Variants in COL5A1 observed in about 807,000 individuals in gnomAD.
COL5A1 encodes the protein collagen alpha-1(V) chain.
A neutral mutation model predicts 263.7 loss-of-function variants in COL5A1; 16 were observed. The observed-to-expected ratio is 0.06, with a 90% confidence interval of 0.04 to 0.09. The LOEUF (loss-of-function observed/expected upper bound fraction) is 0.09. Ranked by LOEUF, COL5A1 falls within the 10% of genes least tolerant of loss-of-function variation. The pLI is 1.00. For missense variants in COL5A1, 2,036 were observed against 2,540.5 expected, an observed-to-expected ratio of 0.80 and a Z score of 4.27; for synonymous variants, 1,012 against 1,004.5, an observed-to-expected ratio of 1.01 and a Z score of -0.14.
chr9:134,775,941 T>C lies in COL5A1; in HGVS notation c.2385+1029T>C, dbSNP rs532183881. 1.1e-4 allele frequency among the ~76,000 whole-genome samples: 16 copies of C among 152,352 alleles called. No individual in the cohort carries two copies. The East Asian group carries it at 2.7e-3, about 26-fold the overall frequency. On this transcript the variant is annotated intron_variant, in intron 27 of 65. Transcript: ENST00000371817. ...GTCGTCTGCTCCGAATCAACCCTCC[T>C]GACTCTGGCTGGTCACCCCTCACCT...
At chr9:134,749,793 T>G (rs1169961116) in intron 11 of COL5A1, among the ~76,000 whole-genome samples, 2 of 152,250 alleles carry the variant, frequency 1.3e-5, no homozygotes, top group Non-Finnish European at 2.9e-5. Context: ...CAGCTGAGAA[T>G]CTGCTTGCTT....
chr9:134,730,718 A>AT (rs1471416852), intron 7 of COL5A1, among the ~76,000 whole-genome samples: 3 of 152,194 alleles, frequency 2.0e-5, no homozygotes, highest in African/African-American at 4.8e-5. Context: ...AATGTTGTCA[A>AT]TTTTTTGCCT....
chr9:134,809,741 C>A (rs901648223), intron 43 of COL5A1, among the ~76,000 whole-genome samples: 2 of 152,214 alleles, frequency 1.3e-5, no homozygotes, highest in East Asian at 1.9e-4. Context: ...GCTGCAGGAG[C>A]TTGCATTTTA....
At chr9:134,820,261 G>A (rs1318042571) in intron 58 of COL5A1, 38 bp downstream of exon 58, 1 of 1,554,368 alleles carries the variant, frequency 6.4e-7, no homozygotes, top group Non-Finnish European at 8.9e-7. Flanking sequence ...GGGCTGTCGA[G>A]AGGCATTTTA....
chr9:134,671,998 T>G (rs1832552952), intron 1 of COL5A1, among the ~76,000 whole-genome samples: 4 of 152,224 alleles, frequency 2.6e-5, no homozygotes, highest in Non-Finnish European at 4.4e-5. Flanking sequence ...GGGGCCCACT[T>G]CAAATGTCAC....
At chr9:134,823,743 A>G (rs993205232) in intron 61 of COL5A1, among the ~76,000 whole-genome samples, 1 of 152,148 alleles carries the variant, frequency 6.6e-6, no homozygotes, top group Non-Finnish European at 1.5e-5. Flanking sequence ...TGAATGTGTG[A>G]ACGTGTAGTA....
At chr9:134,689,696 C>A (rs1169894895) in intron 1 of COL5A1, among the ~76,000 whole-genome samples, 1 of 152,188 alleles carries the variant, frequency 6.6e-6, no homozygotes, top group Non-Finnish European at 1.5e-5. Flanking sequence ...GGTCTCACGT[C>A]CATCCCTGAG....
At position 134,817,114 on chromosome 9, in the gene COL5A1, A is replaced by C. The variant is rs10776910; in HGVS notation, c.4176+35A>C. Reference sequence around the variant, plus strand: ...CCTGCAGGCACATCCTTGCTGTCAAATCCCTGCATGAAACACCCCCGCCCC... The same window carrying C: ...CCTGCAGGCACATCCTTGCTGTCAACTCCCTGCATGAAACACCCCCGCCCC... On this transcript the variant is annotated intron_variant, in intron 53 of 65. Coordinates refer to ENST00000371817, the MANE Select transcript of COL5A1 (RefSeq NM_000093.5). The C allele has an allele frequency of 0.42, 669,596 of 1,593,238 alleles. 143,903 individuals carry two copies. Among genetic ancestry groups the C allele is most frequent in the African/African-American group, 0.63 (46,764 of 74,686 alleles).
chr9:134,820,909 A>G (rs1408263191), intron 58 of COL5A1, among the ~76,000 whole-genome samples: 18 of 152,070 alleles, frequency 1.2e-4, no homozygotes, highest in Non-Finnish European at 1.5e-5. Context: ...ACACACACGC[A>G]CAGTATGCTG....
chr9:134,738,051 C>T (rs1022541733), intron 9 of COL5A1, among the ~76,000 whole-genome samples: 2 of 152,174 alleles, frequency 1.3e-5, no homozygotes, highest in Admixed American at 6.5e-5. Context: ...CTATTTTTCC[C>T]TTATCCTTCC....
intron 60 of COL5A1, 138 bp downstream of exon 60, chr9:134,823,171 C>A: frequency 1.7e-6 from 2 of 1,156,388 alleles, no homozygotes; most frequent in Non-Finnish European, 2.6e-6. Context: ...TCTTTCTACA[C>A]TGACCCATGG....
intron 11 of COL5A1, 37 bp downstream of exon 11, chr9:134,738,845 G>C (rs750744269): frequency 6.4e-7 from 1 of 1,566,180 alleles, no homozygotes; most frequent in Non-Finnish European, 8.8e-7. Flanking sequence ...ATCACACAAG[G>C]TGTGGGGCTG....
intron 42 of COL5A1, among the ~76,000 whole-genome samples, chr9:134,806,623 G>A (rs958057194): frequency 6.6e-6 from 1 of 152,172 alleles, no homozygotes; most frequent in African/African-American, 2.4e-5. Flanking sequence ...AGAGGAAGGG[G>A]CCGAAGACAG....
At chr9:134,795,412 TAAAAAA>T in intron 34 of COL5A1, 97 bp downstream of exon 34, 1 of 785,956 alleles carries the variant, frequency 1.3e-6, no homozygotes, top group South Asian at 1.9e-5. Context: ...CCTTTTTTAT[TAAAAAA>T]AAAAAAAAAG....
chr9:134,784,935 GAAT>G, intron 29 of COL5A1, 51 bp from the exon 30 acceptor site: 1 of 1,397,364 alleles, frequency 7.2e-7, no homozygotes. Context: ...TGGTGGTGGA[GAAT>G]AGTGTGTGTG....
chr9:134,789,184 C>T lies in COL5A1; in HGVS notation c.2676C>T (p.Gly892=), dbSNP rs143161140. ...KGSIGFPGFP[G]ANGEKGGRGT... is the part of the protein sequence containing the mutation. Reference sequence around the variant, plus strand: ...CTATTGGATTCCCTGGATTTCCTGGCGCCAATGGAGAGAAGGGCGGCAGGG... The same window carrying T: ...CTATTGGATTCCCTGGATTTCCTGGTGCCAATGGAGAGAAGGGCGGCAGGG... Residue 892 remains glycine, a synonymous_variant, in exon 32 of 66, where the codon GGC becomes GGT. Coordinates refer to ENST00000371817, the MANE Select transcript of COL5A1 (RefSeq NM_000093.5). This position sits in a 1 kb window ranked among gnomAD's most constrained non-coding sequence, Gnocchi z 4.8. The T allele has an allele frequency of 2.2e-5, 35 of 1,612,924 alleles. No homozygotes were observed. Among genetic ancestry groups the T allele is most frequent in the Non-Finnish European group, 2.5e-5 (29 of 1,179,942 alleles).
At chr9:134,713,714 G>A (rs906234022) in intron 4 of COL5A1, among the ~76,000 whole-genome samples, 1 of 152,202 alleles carries the variant, frequency 6.6e-6, no homozygotes, top group African/African-American at 2.4e-5. Context: ...AGTGTGGTGT[G>A]GCGGCCACAG....
At chr9:134,822,731 G>A (rs1361060222) in intron 59 of COL5A1, among the ~76,000 whole-genome samples, 10 of 127,852 alleles carry the variant, frequency 7.8e-5, no homozygotes, top group Non-Finnish European at 1.3e-4. Context: ...CCCCCCCCGC[G>A]GCTGTCTGAG....
Position 134,680,242 on chromosome 9 carries a change from A to G in COL5A1, c.110-10670A>G, listed in dbSNP as rs80069693. Among the ~76,000 whole-genome samples the G allele has an allele frequency of 0.012, 1,892 of 152,248 alleles. 31 individuals are homozygous for G. Among genetic ancestry groups the G allele is most frequent in the African/African-American group, 0.042 (1,737 of 41,542 alleles). Reference sequence around the variant, plus strand: ...GGCAGCCATCCAGGCGAAGGTTAACATAGAGCCTCCAGGCCCGGCTACAGG... The same window carrying G: ...GGCAGCCATCCAGGCGAAGGTTAACGTAGAGCCTCCAGGCCCGGCTACAGG... On this transcript the variant is annotated intron_variant, in intron 1 of 65. Coordinates refer to ENST00000371817, the MANE Select transcript of COL5A1 (RefSeq NM_000093.5). The surrounding 1 kb of genome is among the most constrained non-coding windows in gnomAD (Gnocchi z 5.9).
Sources: gnomAD v4.1 joint callset for allele counts (sites outside exome capture counted in the v4.1 genomes callset) on GRCh38, gnomAD v4.1.1 for gene constraint, Gnocchi (gnomAD v3.1) non-coding constraint, MANE v1.5 for transcripts, NCBI Gene and HGNC (gene_info 2026-07-23, HGNC 2026-07-21) for gene names.